Variants in PCDHGA8 observed in about 807,000 individuals in gnomAD.
PCDHGA8 encodes the protein protocadherin gamma-A8.
Under a neutral mutation model 59.2 loss-of-function variants are expected in PCDHGA8, and 45 were observed. The observed-to-expected ratio is 0.76, with a 90% CI of 0.60 to 0.98. The LOEUF is 0.98. Ranked by LOEUF, PCDHGA8 falls within the 50% of genes least tolerant of loss-of-function variation. PCDHGA8 has a pLI of 0.00. For synonymous variants in PCDHGA8, 531 were observed against 519.0 expected (o/e 1.02, Z -0.32); for missense variants, 1,257 against 1,196.2 (o/e 1.05, Z -0.75).
Position 141,487,007 on chromosome 5 carries a change from G to A in PCDHGA8, c.2425-7800G>A, listed in dbSNP as rs563548715. The A allele has an allele frequency of 3.1e-6, 5 of 1,614,206 alleles. No homozygotes were observed. In the South Asian group the frequency reaches 5.5e-5, roughly 18 times the overall value. ...TGCTTGGGTTTCCTATCAGCTCCTGGAGGCCCCAGATCCCAGCCTGTTTGC... is the reference window on the plus strand; with the variant it reads ...TGCTTGGGTTTCCTATCAGCTCCTGAAGGCCCCAGATCCCAGCCTGTTTGC... On this transcript the variant is annotated intron_variant, in intron 1 of 3. Transcript: ENST00000398604. This position sits in a 1 kb window ranked among gnomAD's most constrained non-coding sequence, Gnocchi z 5.0.
At chr5:141,506,969 A>G (rs923725359) in intron 3 of PCDHGA8, 7 of 152,208 alleles carry the variant, frequency 4.6e-5, no homozygotes, top group Non-Finnish European at 8.8e-5. Flanking sequence ...ATAGCTCTGC[A>G]AGGCAGGTCT....
At chr5:141,472,332 G>A (rs566731120) in intron 1 of PCDHGA8, among the ~76,000 whole-genome samples, 1 of 152,116 alleles carries the variant, frequency 6.6e-6, no homozygotes, top group East Asian at 1.9e-4. Flanking sequence ...ACGAGGTTGG[G>A]AGATCGAGAC....
In PCDHGA8 at chr5:141,395,105, G is replaced by A; in HGVS notation, c.2292G>A (p.Arg764=). ...AAGTCTCCCTCACCGCCGACTCGCG[G>A]AAGAGTCACCTGATCTTTCCCCAGC... The part of the protein sequence containing the change: ...SQEVSLTADS[R]KSHLIFPQPN... The change falls in exon 1 of 4, where the codon CGG becomes CGA. Residue 764 remains arginine (R), a synonymous_variant. Coordinates refer to ENST00000398604, the MANE Select transcript of PCDHGA8 (RefSeq NM_032088.2). The A allele has an allele frequency of 6.2e-7, 1 of 1,614,220 alleles. No individual in the cohort carries two copies. The highest frequency in any genetic ancestry group is 2.2e-5 in the East Asian group (1 of 44,880).
intron 2 of PCDHGA8, among the ~76,000 whole-genome samples, chr5:141,499,869 G>A (rs1247615457): frequency 3.3e-5 from 5 of 151,938 alleles, no homozygotes; most frequent in Non-Finnish European, 5.9e-5. Context: ...TGTATTTTCA[G>A]TACAAACAGG....
intron 1 of PCDHGA8, chr5:141,419,344 C>T (rs2096363174): frequency 1.9e-6 from 3 of 1,613,732 alleles, no homozygotes; most frequent in Non-Finnish European, 2.5e-6. Flanking sequence ...TTGCCAGCGA[C>T]CTGGAGTCAC....
intron 2 of PCDHGA8, among the ~76,000 whole-genome samples, chr5:141,501,061 G>T (rs746369272): frequency 1.5e-4 from 23 of 152,118 alleles, no homozygotes; most frequent in Non-Finnish European, 2.1e-4. Flanking sequence ...TAGAGACGGG[G>T]TTTCACCATG....
Position 141,392,972 on chromosome 5 carries a change from G to T in PCDHGA8, c.159G>T (p.Gly53=). ...SFVGNISKDL[G]LDPRKLAKHG... is the part of the protein sequence containing the mutation. Reference sequence around the variant, plus strand: ...TGGGTAATATCTCCAAGGACCTGGGGCTGGACCCCCGGAAGCTGGCGAAGC... The same window carrying T: ...TGGGTAATATCTCCAAGGACCTGGGTCTGGACCCCCGGAAGCTGGCGAAGC... Residue 53 remains glycine (G), a synonymous_variant, in exon 1 of 4, where the codon GGG becomes GGT. Coordinates refer to ENST00000398604, the MANE Select transcript of PCDHGA8 (RefSeq NM_032088.2). 6.2e-7 allele frequency: 1 copy of T among 1,613,920 alleles called. No homozygotes were observed.
chr5:141,475,852 G>A, intron 1 of PCDHGA8: 1 of 467,402 alleles, frequency 2.1e-6, no homozygotes, highest in East Asian at 3.7e-5. Context: ...AGAGCCCGGC[G>A]CTAGCTCATT....
chr5:141,498,103 G>C (rs2099781622), intron 2 of PCDHGA8, among the ~76,000 whole-genome samples: 1 of 152,216 alleles, frequency 6.6e-6, no homozygotes. Context: ...GGTGGTGTGG[G>C]CGTATAATAG....
chr5:141,499,404 T>G (rs1468724077), intron 2 of PCDHGA8, among the ~76,000 whole-genome samples: 3 of 152,178 alleles, frequency 2.0e-5, no homozygotes, highest in African/African-American at 7.2e-5. Context: ...ACATGCTCAT[T>G]ATAGAAACAT....
intron 1 of PCDHGA8, chr5:141,418,737 C>G (rs768683069): frequency 6.2e-7 from 1 of 1,613,842 alleles, no homozygotes; most frequent in African/African-American, 1.3e-5. Context: ...CACGTGTTCT[C>G]TCTGGATTAC....
Position 141,422,340 on chromosome 5 carries a change from T to C in PCDHGA8, c.2424+27103T>C, listed in dbSNP as rs776306472. ...CAGGTACAGTGATTGCTCTTCTAAA[T>C]GTGCAAGATCAAGATTCTGGAGAAA... On this transcript the variant is annotated intron_variant, in intron 1 of 3. Transcript: ENST00000398604. 2.6e-6 allele frequency: 4 copies of C among 1,550,190 alleles called. 1 individual carries two copies. Among genetic ancestry groups the C allele is most frequent in the Non-Finnish European group, 3.5e-6 (4 of 1,154,238 alleles).
At chr5:141,440,150 A>G (rs770863453) in intron 1 of PCDHGA8, 1 of 152,244 alleles carries the variant, frequency 6.6e-6, no homozygotes, top group African/African-American at 2.4e-5. Context: ...ACGCCCCCCA[A>G]TTATAGCTTG....
At position 141,431,123 on chromosome 5, in the gene PCDHGA8, GAAGT is replaced by G. The variant is rs751548736; in HGVS notation, c.2424+35890_2424+35893del. The G allele has an allele frequency of 1.2e-6, 2 of 1,614,100 alleles. No individual in the cohort carries two copies. The highest frequency in any genetic ancestry group is 3.3e-5 in the Admixed American group (2 of 60,014). On this transcript the variant is annotated intron_variant, in intron 1 of 3. Transcript: ENST00000398604. This position sits in a 1 kb window ranked among gnomAD's most constrained non-coding sequence, Gnocchi z 4.8. ...AGTGAAAATATATGGAGTAGAAGTA[GAAGT>G]AAGGGACATTAACGACAATGCGCCT... is the stretch of plus-strand genomic sequence containing the variant.
chr5:141,510,949 G>C lies in PCDHGA8; in HGVS notation c.2575G>C (p.Ala859Pro), dbSNP rs762789865. The C allele has an allele frequency of 2.2e-5, 36 of 1,614,012 alleles. No homozygotes were observed. The highest frequency in any genetic ancestry group is 3.0e-5 in the Non-Finnish European group (35 of 1,180,020). ...CTGATCTTCCTCTGTCTCTGCAGAA[G>C]CTGCTGATGGGAGCTCCACCCTGGG... ...QAMILASASE[A>P]ADGSSTLGGG... is the part of the protein sequence containing the mutation. The change falls in exon 4 of 4, where the codon GCT (alanine) becomes CCT (proline). Residue 859 changes from alanine (A) to proline (P), a missense_variant and splice_region_variant. Coordinates refer to ENST00000398604, the MANE Select transcript of PCDHGA8 (RefSeq NM_032088.2).
chr5:141,488,175 T>C (rs889217562), intron 1 of PCDHGA8, among the ~76,000 whole-genome samples: 1 of 152,168 alleles, frequency 6.6e-6, no homozygotes, highest in Non-Finnish European at 1.5e-5. Context: ...AGTGGTGGCA[T>C]AGATCTTTTG....
At position 141,393,991 on chromosome 5, in the gene PCDHGA8, A is replaced by C. The variant is rs2092893166; in HGVS notation, c.1178A>C (p.Lys393Thr). Residue 393 changes from lysine to threonine, a missense_variant, in exon 1 of 4, where the codon AAA (lysine) becomes ACA (threonine). Physicochemically the swap from Lys to Thr is moderately conservative, Grantham distance 78. Coordinates refer to ENST00000398604, the MANE Select transcript of PCDHGA8 (RefSeq NM_032088.2). Reference protein sequence around the residue: ...VCYTRDNLPFKLEKSIGNYYR... With the variant: ...VCYTRDNLPFTLEKSIGNYYR... ...TACACACGTGATAATTTACCTTTTA[A>C]ATTAGAAAAGTCAATAGGTAATTAT... 6.2e-7 allele frequency: 1 copy of C among 1,613,604 alleles called. No individual in the cohort carries two copies. Among genetic ancestry groups the C allele is most frequent in the East Asian group, 2.2e-5 (1 of 44,878 alleles).
Position 141,423,758 on chromosome 5 carries a change from GGGT to G in PCDHGA8, c.2424+28524_2424+28526del, listed in dbSNP as rs776356896. The G allele has an allele frequency of 7.0e-4, 256 of 366,834 alleles. 2 individuals are homozygous for G. The highest frequency in any genetic ancestry group is 6.8e-3 in the African/African-American group (232 of 34,230). The allele number at this position is 366,834 out of a possible 1,614,324, so 22.7% of individuals were successfully genotyped here. A position where few individuals can be genotyped will look rare whatever the true frequency, so the allele number is the denominator to read the frequency against. ...CTGTTATGAAAACTGTTTGGGGGGG[GGGT>G]GGGGCGGCATATATTTAGTTCATAT... On this transcript the variant is annotated intron_variant, in intron 1 of 3. Coordinates refer to ENST00000398604, the MANE Select transcript of PCDHGA8 (RefSeq NM_032088.2).
Position 141,450,950 on chromosome 5 carries a change from A to G in PCDHGA8, c.2425-43857A>G, listed in dbSNP as rs1176916120. ...AGCAATTCTCCTACCTCAGCCTCCCAAGTAGCTGGGATTACAGGCATGTGC... is the reference window on the plus strand; with the variant it reads ...AGCAATTCTCCTACCTCAGCCTCCCGAGTAGCTGGGATTACAGGCATGTGC... On this transcript the variant is annotated intron_variant, in intron 1 of 3. Coordinates refer to ENST00000398604, the MANE Select transcript of PCDHGA8 (RefSeq NM_032088.2). Among the ~76,000 whole-genome samples, 9 of 150,714 alleles carry G rather than the reference A, an allele frequency of 6.0e-5. No individual in the cohort carries two copies. In the East Asian group the frequency reaches 1.6e-3, roughly 26 times the overall value.
Sources: allele counts gnomAD v4.1 joint callset (sites outside exome capture counted in the v4.1 genomes callset), GRCh38; gene constraint gnomAD v4.1.1; non-coding constraint Gnocchi (gnomAD v3.1); transcripts MANE v1.5; gene names NCBI Gene and HGNC (gene_info 2026-07-23, HGNC 2026-07-21).